LIPH: variants seen among roughly 807,000 people sequenced by gnomAD.
LIPH encodes the protein lipase H.
LIPH carries 32 observed loss-of-function variants against 47.6 expected under a neutral mutation model. That is an observed-to-expected ratio of 0.67 (90% CI 0.51 to 0.90). The LOEUF is 0.90. Among genes scored for constraint, LIPH ranks in the 40% least tolerant of loss-of-function variants. The probability of loss-of-function intolerance (pLI) is 0.00; values close to 1 mark genes in which losing one functional copy is unlikely to be tolerated. For synonymous variants in LIPH, 190 were observed against 195.6 expected (o/e 0.97, Z 0.24); for missense variants, 497 against 541.4 (o/e 0.92, Z 0.81).
At chr3:185,549,989 T>C (rs1721003713) in intron 1 of LIPH, among the ~76,000 whole-genome samples, 1 of 152,222 alleles carries the variant, frequency 6.6e-6, no homozygotes, top group South Asian at 2.1e-4. Flanking sequence ...TTGTTAGCCA[T>C]TGCTTTGTTC....
rs564365192 is a variant in LIPH at position 185,522,337 on chromosome 3, C to T, written c.718+1734G>A. Among the ~76,000 whole-genome samples the T allele has an allele frequency of 1.9e-4, 29 of 152,238 alleles. 1 individual carries two copies. In the South Asian group the frequency reaches 5.8e-3, roughly 31 times the overall value. Reference sequence around the variant, plus strand: ...TGTCAGCTGTGTCTGCCGTAAGGGTCATTCTCAGGGTATGCTGACGTTATT... The same window carrying T: ...TGTCAGCTGTGTCTGCCGTAAGGGTTATTCTCAGGGTATGCTGACGTTATT... On this transcript the variant is annotated intron_variant, in intron 5 of 9. Transcript: ENST00000296252.
At chr3:185,526,951 A>G (rs570386005) in intron 4 of LIPH, among the ~76,000 whole-genome samples, 2 of 152,122 alleles carry the variant, frequency 1.3e-5, no homozygotes, top group Non-Finnish European at 2.9e-5. Flanking sequence ...TGATTCCTTT[A>G]AAAATATGCC....
At chr3:185,512,799 C>T (rs1371336546) in intron 8 of LIPH, among the ~76,000 whole-genome samples, 2 of 151,990 alleles carry the variant, frequency 1.3e-5, no homozygotes, top group African/African-American at 4.8e-5. Flanking sequence ...AACATTAATC[C>T]TTACTTTGGG....
intron 1 of LIPH, among the ~76,000 whole-genome samples, chr3:185,545,170 A>G (rs1319645627): frequency 6.6e-6 from 1 of 152,172 alleles, no homozygotes; most frequent in Non-Finnish European, 1.5e-5. Context: ...TGTCCTTTTC[A>G]GACTACTCTG....
chr3:185,507,129 T>C lies in LIPH; in HGVS notation c.*1661A>G, dbSNP rs1038065091. On this transcript the variant is annotated 3_prime_UTR_variant, in exon 10 of 10. Coordinates refer to ENST00000296252, the MANE Select transcript of LIPH (RefSeq NM_139248.3). The stretch of plus-strand genomic sequence containing the variant: ...GGCTCATGCCTGTAATCCCAGCACT[T>C]TGGGAGGCCGAGACGGGTAGTCACC... The C allele has an allele frequency of 1.3e-5, 2 of 152,166 alleles. No homozygotes were observed. Among genetic ancestry groups the C allele is most frequent in the African/African-American group, 4.8e-5 (2 of 41,430 alleles). 9.4% of individuals were successfully genotyped at this position (152,166 alleles called of 1,614,324 possible). A position where few individuals can be genotyped will look rare whatever the true frequency, so the allele number is the denominator to read the frequency against.
chr3:185,519,200 A>G lies in LIPH; in HGVS notation c.828T>C (p.Tyr276=). The G allele has an allele frequency of 1.2e-6, 2 of 1,613,878 alleles. No homozygotes were observed. Among genetic ancestry groups the G allele is most frequent in the Non-Finnish European group, 1.7e-6 (2 of 1,179,788 alleles). ...CGCAGCTGACACACTTGCCATTCCTATAATCCTGGTAGGAGTCACAGGGAT... is the reference window on the plus strand; with the variant it reads ...CGCAGCTGACACACTTGCCATTCCTGTAATCCTGGTAGGAGTCACAGGGAT... ...TAYPCDSYQD[Y]RNGKCVSCGT... The change falls in exon 6 of 10, where the codon TAT becomes TAC. Residue 276 remains tyrosine, a synonymous_variant. Coordinates refer to ENST00000296252, the MANE Select transcript of LIPH (RefSeq NM_139248.3).
Position 185,527,506 on chromosome 3 carries a change from A to G in LIPH, c.606T>C (p.Asp202=), listed in dbSNP as rs1298926975. Residue 202 remains aspartate, a synonymous_variant, in exon 4 of 10, where the codon GAT becomes GAC. Coordinates refer to ENST00000296252, the MANE Select transcript of LIPH (RefSeq NM_139248.3). ...TACCATCAGTGTCGGAATGGATGAC[A>G]TCAACAAACTGCGCATCACTGGGAT... is the stretch of plus-strand genomic sequence containing the variant. ...RLDPSDAQFV[D]VIHSDTDALG... 2.5e-6 allele frequency: 4 copies of G among 1,612,712 alleles called. No homozygotes were observed. The highest frequency in any genetic ancestry group is 1.3e-5 in the African/African-American group (1 of 74,690).
chr3:185,538,117 C>A (rs529015618), intron 1 of LIPH, among the ~76,000 whole-genome samples: 1 of 152,196 alleles, frequency 6.6e-6, no homozygotes, highest in South Asian at 2.1e-4. Flanking sequence ...TACATAATTT[C>A]TTTTAAGTCT....
At chr3:185,522,246 C>T (rs1422882982) in intron 5 of LIPH, among the ~76,000 whole-genome samples, 1 of 152,204 alleles carries the variant, frequency 6.6e-6, no homozygotes, top group African/African-American at 2.4e-5. Context: ...GTTACAGCAT[C>T]TTCACTTAGC....
intron 7 of LIPH, among the ~76,000 whole-genome samples, chr3:185,514,758 C>A (rs1400536737): frequency 1.3e-5 from 2 of 152,140 alleles, no homozygotes; most frequent in Non-Finnish European, 2.9e-5. Context: ...CAGGCATCAT[C>A]GTTGAACCAG....
chr3:185,535,822 C>G (rs141165364), intron 1 of LIPH, among the ~76,000 whole-genome samples: 2 of 151,864 alleles, frequency 1.3e-5, no homozygotes, highest in Non-Finnish European at 2.9e-5. Flanking sequence ...AGGCTGGTCT[C>G]GAACTCCTGA....
At chr3:185,521,807 G>T (rs138136959) in intron 5 of LIPH, among the ~76,000 whole-genome samples, 377 of 152,236 alleles carry the variant, frequency 2.5e-3, no homozygotes, top group Non-Finnish European at 4.0e-3. Context: ...ATTTCATTAA[G>T]CTAACTGCAA....
chr3:185,548,282 G>A (rs1720941809), intron 1 of LIPH, among the ~76,000 whole-genome samples: 2 of 151,620 alleles, frequency 1.3e-5, no homozygotes, highest in South Asian at 4.2e-4. Context: ...GTGGGCACCG[G>A]TAGTCCCAGC....
At chr3:185,525,556 T>C (rs1369671084) in intron 4 of LIPH, among the ~76,000 whole-genome samples, 1 of 151,556 alleles carries the variant, frequency 6.6e-6, no homozygotes, top group African/African-American at 2.4e-5. Flanking sequence ...GGCGGAAGGA[T>C]CATTTGAGCT....
At position 185,550,035 on chromosome 3, in the gene LIPH, T is replaced by G. The variant is rs190531419; in HGVS notation, c.49+2388A>C. On this transcript the variant is annotated intron_variant, in intron 1 of 9. Transcript: ENST00000296252. ...TTATGGCAAACATTCCTAACATTAT[T>G]TCACAAAGATTAGAAAACAAAACAA... 6.6e-5 allele frequency among the ~76,000 whole-genome samples: 10 copies of G among 152,292 alleles called. No individual in the cohort carries two copies. The East Asian group carries it at 1.9e-3, about 29-fold the overall frequency.
intron 5 of LIPH, among the ~76,000 whole-genome samples, chr3:185,519,664 C>T (rs1442703352): frequency 2.0e-5 from 3 of 151,610 alleles, no homozygotes; most frequent in South Asian, 4.2e-4. Context: ...GGGGAAACCC[C>T]GTCTCTACTA....
intron 1 of LIPH, among the ~76,000 whole-genome samples, chr3:185,537,631 G>A (rs553181041): frequency 6.6e-6 from 1 of 152,182 alleles, no homozygotes; most frequent in Admixed American, 6.5e-5. Flanking sequence ...TATCAGTAAG[G>A]CTGGGTTTTG....
chr3:185,515,632 C>T (rs1199817625), intron 7 of LIPH, among the ~76,000 whole-genome samples: 4 of 152,096 alleles, frequency 2.6e-5, no homozygotes, highest in Admixed American at 1.3e-4. Flanking sequence ...CCTCAGCCTT[C>T]TAGGTAGCTG....
chr3:185,518,221 A>G (rs562914604), intron 6 of LIPH, among the ~76,000 whole-genome samples: 2 of 152,270 alleles, frequency 1.3e-5, no homozygotes, highest in South Asian at 4.1e-4. Context: ...GGGAGGCTGT[A>G]CTGCCTTCTG....
Sources: allele counts gnomAD v4.1 joint callset (sites outside exome capture counted in the v4.1 genomes callset), GRCh38; gene constraint gnomAD v4.1.1; transcripts MANE v1.5; gene names NCBI Gene and HGNC (gene_info 2026-07-23, HGNC 2026-07-21).